ATG5: variants seen among roughly 807,000 people sequenced by gnomAD.
ATG5 encodes the protein autophagy related 5.
Under a neutral mutation model 36.5 loss-of-function variants are expected in ATG5, and 14 were observed. That is an observed-to-expected ratio of 0.38 (90% CI 0.25 to 0.60). The LOEUF is 0.60. Among genes scored for constraint, ATG5 ranks in the 20% least tolerant of loss-of-function variants. The probability of loss-of-function intolerance (pLI) is 0.60; values close to 1 mark genes in which losing one functional copy is unlikely to be tolerated. For synonymous variants in ATG5, 95 were observed against 101.5 expected, an observed-to-expected ratio of 0.94 and a Z score of 0.38; for missense variants, 195 against 326.7, an observed-to-expected ratio of 0.60 and a Z score of 3.11.
intron 5 of ATG5, among the ~76,000 whole-genome samples, chr6:106,271,234 T>C (rs990444453): frequency 6.6e-6 from 1 of 152,236 alleles, no homozygotes; most frequent in Non-Finnish European, 1.5e-5. Flanking sequence ...TTATCTTCTT[T>C]TGACTTCTCA....
chr6:106,187,805 A>G lies in ATG5; in HGVS notation c.692-1129T>C. Among the ~76,000 whole-genome samples the G allele has an allele frequency of 1.3e-5, 2 of 152,196 alleles. 1 individual carries two copies. The highest frequency in any genetic ancestry group is 3.8e-4 in the East Asian group (2 of 5,198). ...TGAAACAAGAGACCCTTTTAAAGAA[A>G]TATTTAGACTTCCTGTTAGAGGCAG... is the stretch of plus-strand genomic sequence containing the variant. On this transcript the variant is annotated intron_variant, in intron 7 of 7. Transcript: ENST00000369076.
At chr6:106,300,132 A>G (rs149230627) in intron 3 of ATG5, among the ~76,000 whole-genome samples, 18 of 152,336 alleles carry the variant, frequency 1.2e-4, no homozygotes, top group Non-Finnish European at 2.5e-4. Context: ...TCACATTTCA[A>G]AAATCTAGTT....
intron 7 of ATG5, among the ~76,000 whole-genome samples, chr6:106,200,180 C>A (rs1386947151): frequency 6.6e-6 from 1 of 152,138 alleles, no homozygotes; most frequent in Non-Finnish European, 1.5e-5. Flanking sequence ...ATATTTTGGG[C>A]TCCATATTCT....
At chr6:106,230,414 T>C (rs543706726) in intron 6 of ATG5, among the ~76,000 whole-genome samples, 2 of 152,286 alleles carry the variant, frequency 1.3e-5, no homozygotes, top group African/African-American at 2.4e-5. Context: ...AAAGGCAATG[T>C]TGGGCACGCT....
chr6:106,193,023 C>T (rs995170055), intron 7 of ATG5, among the ~76,000 whole-genome samples: 7 of 152,126 alleles, frequency 4.6e-5, no homozygotes, highest in African/African-American at 1.7e-4. Flanking sequence ...CAGGATATAG[C>T]CAAAGAAATA....
At chr6:106,214,329 G>GT (rs1483062746) in intron 6 of ATG5, among the ~76,000 whole-genome samples, 1 of 152,126 alleles carries the variant, frequency 6.6e-6, no homozygotes, top group Admixed American at 6.5e-5. Flanking sequence ...AGGGGAGTGG[G>GT]TGGGAGTCTG....
chr6:106,323,103 G>GT (rs998487690), intron 1 of ATG5, among the ~76,000 whole-genome samples: 7 of 151,192 alleles, frequency 4.6e-5, no homozygotes, highest in East Asian at 1.9e-4. Flanking sequence ...TTGTTTGTTT[G>GT]TTTTTTTGTA....
chr6:106,280,445 C>CT (rs1366777725), intron 4 of ATG5, among the ~76,000 whole-genome samples: 1 of 152,030 alleles, frequency 6.6e-6, no homozygotes, highest in Non-Finnish European at 1.5e-5. Context: ...AACTTATTCA[C>CT]TTTGACTAGG....
At chr6:106,209,299 CT>C (rs1323304694) in intron 6 of ATG5, among the ~76,000 whole-genome samples, 2 of 152,136 alleles carry the variant, frequency 1.3e-5, no homozygotes, top group African/African-American at 4.8e-5. Context: ...CAGGTGAATG[CT>C]TATAAACTGA....
intron 7 of ATG5, among the ~76,000 whole-genome samples, chr6:106,190,543 C>A (rs755826128): frequency 1.3e-5 from 2 of 152,130 alleles, no homozygotes; most frequent in Non-Finnish European, 2.9e-5. Flanking sequence ...TAATCTGCAA[C>A]CGTTTTTTAG....
chr6:106,256,233 A>C (rs1251869618), intron 5 of ATG5, among the ~76,000 whole-genome samples: 1 of 152,218 alleles, frequency 6.6e-6, no homozygotes, highest in Non-Finnish European at 1.5e-5. Context: ...AAACACTATT[A>C]ATCTGTTAAT....
At chr6:106,317,434 T>G (rs1458355634) in intron 1 of ATG5, among the ~76,000 whole-genome samples, 1 of 152,072 alleles carries the variant, frequency 6.6e-6, no homozygotes, top group Non-Finnish European at 1.5e-5. Flanking sequence ...ACCAATGACA[T>G]TAAGATGGTA....
At chr6:106,271,303 AACCTCCAACAT>A (rs1376124809) in intron 5 of ATG5, among the ~76,000 whole-genome samples, 3 of 152,186 alleles carry the variant, frequency 2.0e-5, no homozygotes, top group African/African-American at 7.2e-5. Context: ...TTGAAATCCT[AACCTCCAACAT>A]GATAGATAAA....
At chr6:106,268,526 G>A (rs1388986181) in intron 5 of ATG5, among the ~76,000 whole-genome samples, 1 of 152,156 alleles carries the variant, frequency 6.6e-6, no homozygotes, top group African/African-American at 2.4e-5. Context: ...CCATTACTGA[G>A]TATATTCCCA....
chr6:106,191,953 T>C (rs1008878254), intron 7 of ATG5, among the ~76,000 whole-genome samples: 2 of 152,196 alleles, frequency 1.3e-5, no homozygotes, highest in African/African-American at 2.4e-5. Flanking sequence ...TTTGGCCTCA[T>C]GGTAATACCT....
intron 4 of ATG5, among the ~76,000 whole-genome samples, chr6:106,285,768 A>T (rs183599946): frequency 2.2e-4 from 34 of 152,268 alleles, no homozygotes; most frequent in African/African-American, 7.5e-4. Context: ...GTCATCACTA[A>T]ATCTGTATTT....
chr6:106,298,327 C>T (rs985136051), intron 3 of ATG5, among the ~76,000 whole-genome samples: 4 of 151,978 alleles, frequency 2.6e-5, no homozygotes, highest in Non-Finnish European at 2.9e-5. Flanking sequence ...GACGACAACT[C>T]CTTTGTCTTG....
At chr6:106,258,874 T>C (rs1778901734) in intron 5 of ATG5, among the ~76,000 whole-genome samples, 1 of 152,210 alleles carries the variant, frequency 6.6e-6, no homozygotes, top group Non-Finnish European at 1.5e-5. Flanking sequence ...TCATCTCCTG[T>C]AGTATTTAGA....
At chr6:106,276,004 T>C (rs1022238114) in intron 5 of ATG5, among the ~76,000 whole-genome samples, 1 of 152,216 alleles carries the variant, frequency 6.6e-6, no homozygotes, top group Non-Finnish European at 1.5e-5. Flanking sequence ...CCCATGATCG[T>C]ATTTGCCAGC....
Sources: gnomAD v4.1 joint callset for allele counts (sites outside exome capture counted in the v4.1 genomes callset) on GRCh38, gnomAD v4.1.1 for gene constraint, MANE v1.5 for transcripts, NCBI Gene and HGNC (gene_info 2026-07-23, HGNC 2026-07-21) for gene names.